The following RALA variants were observed in gnomAD, a reference collection of about 807,000 sequenced individuals.
RALA encodes the protein ras-related protein Ral-A.
RALA carries 5 observed loss-of-function variants against 24.0 expected under a neutral mutation model. The observed-to-expected ratio is 0.21, with a 90% CI of 0.11 to 0.44. The LOEUF (loss-of-function observed/expected upper bound fraction) is 0.44. RALA is among the 20% of genes least tolerant of loss of function. The pLI, the probability that RALA is intolerant of heterozygous loss-of-function variation, is 0.99. For missense variants in RALA, 95 were observed against 241.2 expected, an observed-to-expected ratio of 0.39 and a Z score of 4.01; for synonymous variants, 77 against 83.8, an observed-to-expected ratio of 0.92 and a Z score of 0.44.
intron 4 of RALA, among the ~76,000 whole-genome samples, chr7:39,701,320 G>A (rs1053862495): frequency 1.3e-5 from 2 of 152,144 alleles, no homozygotes; most frequent in Non-Finnish European, 2.9e-5. Context: ...AGACCAGCCC[G>A]GGCAACATGG....
At chr7:39,671,952 A>G (rs539364903) in intron 1 of RALA, among the ~76,000 whole-genome samples, 2 of 152,322 alleles carry the variant, frequency 1.3e-5, no homozygotes, top group African/African-American at 4.8e-5. Context: ...AGTTATAACT[A>G]ATGTCATTTT....
At chr7:39,644,795 T>G (rs1373649461) in intron 1 of RALA, among the ~76,000 whole-genome samples, 2 of 152,206 alleles carry the variant, frequency 1.3e-5, no homozygotes, top group East Asian at 3.8e-4. Flanking sequence ...GTCCAGAATA[T>G]TTATGCTGCT....
intron 1 of RALA, among the ~76,000 whole-genome samples, chr7:39,648,021 T>C (rs1791957469): frequency 1.3e-5 from 2 of 152,244 alleles, no homozygotes. Flanking sequence ...CATCAGCTGG[T>C]ATGCCACTTC....
At chr7:39,681,518 TAAC>T (rs1792603564) in intron 1 of RALA, among the ~76,000 whole-genome samples, 1 of 151,854 alleles carries the variant, frequency 6.6e-6, no homozygotes, top group South Asian at 2.1e-4. Context: ...TTCCCAAGAT[TAAC>T]AACAACCTCC....
At chr7:39,641,964 G>GA (rs1403828459) in intron 1 of RALA, among the ~76,000 whole-genome samples, 1 of 152,102 alleles carries the variant, frequency 6.6e-6, no homozygotes, top group Non-Finnish European at 1.5e-5. Flanking sequence ...ATTAATTGCA[G>GA]AATTGAAAAA....
intron 2 of RALA, among the ~76,000 whole-genome samples, 199 bp downstream of exon 2, chr7:39,686,980 T>C (rs924971479): frequency 1.3e-5 from 2 of 152,206 alleles, no homozygotes; most frequent in African/African-American, 4.8e-5. Context: ...AACCTCAGGC[T>C]TTAAAAACAA....
rs1205090525 is a variant in RALA, at chr7:39,707,900, G to C, written c.*1655G>C. 1.3e-5 allele frequency: 2 copies of C among 152,562 alleles called. No homozygotes were observed. The highest frequency in any genetic ancestry group is 2.9e-5 in the Non-Finnish European group (2 of 68,018). 9.5% of individuals were successfully genotyped at this position (152,562 alleles called of 1,614,324 possible). A position where few individuals can be genotyped will look rare whatever the true frequency, so the allele number is the denominator to read the frequency against. On this transcript the variant is annotated 3_prime_UTR_variant, in exon 5 of 5. Transcript: ENST00000005257. ...GTTACCAATGTAACACTGGCCAGCG[G>C]GCCCAGCAATCTCCATGTGTACTTA...
At chr7:39,670,556 A>G (rs1016179625) in intron 1 of RALA, among the ~76,000 whole-genome samples, 1 of 152,270 alleles carries the variant, frequency 6.6e-6, no homozygotes, top group Non-Finnish European at 1.5e-5. Flanking sequence ...AAAATTCAAA[A>G]GGTGATGTAT....
intron 1 of RALA, among the ~76,000 whole-genome samples, chr7:39,677,171 G>A (rs1021543090): frequency 2.0e-5 from 3 of 152,218 alleles, no homozygotes; most frequent in Non-Finnish European, 4.4e-5. Flanking sequence ...CTCTAGAAGC[G>A]AAAGAGGCAA....
chr7:39,637,354 A>C (rs183196080), intron 1 of RALA, among the ~76,000 whole-genome samples: 2 of 152,354 alleles, frequency 1.3e-5, no homozygotes, highest in Non-Finnish European at 2.9e-5. Context: ...GCCAAGAGAT[A>C]TAGAGAGGAC....
chr7:39,664,664 G>A (rs1792253824), intron 1 of RALA, among the ~76,000 whole-genome samples: 1 of 152,144 alleles, frequency 6.6e-6, no homozygotes, highest in South Asian at 2.1e-4. Context: ...TACCATCATT[G>A]TTATAGAAAA....
chr7:39,681,363 G>A (rs890162068), intron 1 of RALA, among the ~76,000 whole-genome samples: 3 of 122,328 alleles, frequency 2.5e-5, no homozygotes, highest in African/African-American at 9.3e-5. Flanking sequence ...TCTAGCCCAG[G>A]CTGGAGTGCA....
At chr7:39,695,257 G>T (rs944550624) in intron 3 of RALA, among the ~76,000 whole-genome samples, 4 of 152,056 alleles carry the variant, frequency 2.6e-5, no homozygotes, top group African/African-American at 9.7e-5. Context: ...CTATAAAATG[G>T]TGTGGTATTT....
rs576603678 is a variant in RALA at position 39,675,333 on chromosome 7, G to A, written c.-37-11298G>A. ...AGGTCAGGTGTAGAATTTTCTACTTGTGGCATCATGTCAATGCTCAAAAAG... is the reference window on the plus strand; with the variant it reads ...AGGTCAGGTGTAGAATTTTCTACTTATGGCATCATGTCAATGCTCAAAAAG... On this transcript the variant is annotated intron_variant, in intron 1 of 4. Coordinates refer to ENST00000005257, the MANE Select transcript of RALA (RefSeq NM_005402.4). 2.0e-5 allele frequency among the ~76,000 whole-genome samples: 3 copies of A among 152,314 alleles called. No individual in the cohort carries two copies. In the South Asian group the frequency reaches 6.2e-4, roughly 32 times the overall value.
At chr7:39,693,729 G>C (rs1472268302) in intron 3 of RALA, among the ~76,000 whole-genome samples, 1 of 152,180 alleles carries the variant, frequency 6.6e-6, no homozygotes, top group African/African-American at 2.4e-5. Context: ...CATGGTTTTT[G>C]CAAGAAATCA....
chr7:39,696,625 A>G, intron 3 of RALA, 60 bp from the exon 4 acceptor site: 1 of 1,394,818 alleles, frequency 7.2e-7, no homozygotes, highest in Non-Finnish European at 9.7e-7. Context: ...TGGGGCAAAC[A>G]AGAACTTTCT....
chr7:39,633,969 T>C (rs182278247), intron 1 of RALA, among the ~76,000 whole-genome samples: 6 of 152,332 alleles, frequency 3.9e-5, no homozygotes, highest in African/African-American at 9.6e-5. Context: ...TAGATTCTTA[T>C]AATTTCAAGA....
At chr7:39,704,402 A>C (rs1793081320) in intron 4 of RALA, among the ~76,000 whole-genome samples, 1 of 150,474 alleles carries the variant, frequency 6.6e-6, no homozygotes, top group Non-Finnish European at 1.5e-5. Flanking sequence ...GCTCACCGCA[A>C]CCTCCGCCTC....
intron 1 of RALA, among the ~76,000 whole-genome samples, chr7:39,628,478 A>G (rs1324870978): frequency 6.6e-6 from 1 of 152,024 alleles, no homozygotes; most frequent in Non-Finnish European, 1.5e-5. Context: ...AACTTTCTCA[A>G]TTCATGGCAC....
Sources: gnomAD v4.1 joint callset for allele counts (sites outside exome capture counted in the v4.1 genomes callset) on GRCh38, gnomAD v4.1.1 for gene constraint, MANE v1.5 for transcripts, NCBI Gene and HGNC (gene_info 2026-07-23, HGNC 2026-07-21) for gene names.